The following KSR2 variants were observed in gnomAD, a reference collection of about 807,000 sequenced individuals.
The protein encoded by KSR2 is kinase suppressor of ras 2.
KSR2 carries 25 observed loss-of-function variants against 107.8 expected under a neutral mutation model. The ratio of observed to expected loss-of-function variants is 0.23; its 90% CI spans 0.17 to 0.32. The LOEUF is 0.32. KSR2 is among the 10% of genes least tolerant of loss of function. The pLI is 1.00. For missense variants in KSR2, 887 were observed against 1,268.9 expected (o/e 0.70, Z 4.57); for synonymous variants, 480 against 507.0 (o/e 0.95, Z 0.71).
intron 3 of KSR2, among the ~76,000 whole-genome samples, chr12:117,834,217 C>T (rs1043238114): frequency 2.0e-5 from 3 of 151,748 alleles, no homozygotes; most frequent in Non-Finnish European, 2.9e-5. Context: ...GACCATGATC[C>T]GAAGTTAAAA....
chr12:117,531,531 C>T (rs774461585), intron 11 of KSR2, 135 bp downstream of exon 11: 58 of 722,850 alleles, frequency 8.0e-5, no homozygotes, highest in Non-Finnish European at 1.2e-4. Flanking sequence ...AGCCATTATC[C>T]TGGAGTGTGG....
chr12:117,792,185 AT>A (rs1890275350), intron 3 of KSR2, among the ~76,000 whole-genome samples: 1 of 152,050 alleles, frequency 6.6e-6, no homozygotes. Flanking sequence ...AAAAAAAAAA[AT>A]AAATAAAAAT....
intron 4 of KSR2, among the ~76,000 whole-genome samples, chr12:117,699,161 T>C (rs1023079532): frequency 1.3e-5 from 2 of 152,242 alleles, no homozygotes; most frequent in Non-Finnish European, 2.9e-5. Flanking sequence ...GACAGGGCCT[T>C]TGGATGATCT....
intron 3 of KSR2, among the ~76,000 whole-genome samples, chr12:117,763,681 T>A (rs1337856640): frequency 6.6e-6 from 1 of 152,180 alleles, no homozygotes; most frequent in East Asian, 1.9e-4. Context: ...GCAGATTGGC[T>A]TTTATACCAA....
chr12:117,713,156 A>G (rs1886854869), intron 4 of KSR2, among the ~76,000 whole-genome samples: 2 of 151,036 alleles, frequency 1.3e-5, no homozygotes, highest in South Asian at 4.2e-4. Flanking sequence ...AAGATAGAAG[A>G]TAGATATAGA....
chr12:117,534,526 C>T (rs1007430224), intron 10 of KSR2, among the ~76,000 whole-genome samples: 2 of 152,094 alleles, frequency 1.3e-5, no homozygotes, highest in African/African-American at 4.8e-5. Flanking sequence ...ATCTATAATC[C>T]TATTTTCATG....
intron 5 of KSR2, among the ~76,000 whole-genome samples, chr12:117,632,218 CTTTTTTTTTTT>C (rs544594793): frequency 1.2e-5 from 1 of 84,028 alleles, no homozygotes; most frequent in African/African-American, 4.8e-5. Context: ...AGTCCTACTC[CTTTTTTTTTTT>C]TTTTTTTTTT....
At chr12:117,590,449 TA>T (rs1307409518) in intron 5 of KSR2, among the ~76,000 whole-genome samples, 1 of 152,084 alleles carries the variant, frequency 6.6e-6, no homozygotes, top group Non-Finnish European at 1.5e-5. Flanking sequence ...GTTTCTCCTA[TA>T]AAAAAAGTGG....
chr12:117,936,972 G>A (rs1417558865), intron 1 of KSR2, among the ~76,000 whole-genome samples: 11 of 152,182 alleles, frequency 7.2e-5, no homozygotes, highest in African/African-American at 1.4e-4. Flanking sequence ...GCCCAGGGAC[G>A]CCTCCTCCAT....
At chr12:117,750,502 T>C (rs1593198301) in intron 4 of KSR2, among the ~76,000 whole-genome samples, 1 of 152,216 alleles carries the variant, frequency 6.6e-6, no homozygotes, top group Admixed American at 6.5e-5. Flanking sequence ...CAATTTTTTA[T>C]AATTTCAACT....
intron 9 of KSR2, among the ~76,000 whole-genome samples, chr12:117,543,667 C>A (rs1241373836): frequency 6.6e-6 from 1 of 152,126 alleles, no homozygotes; most frequent in Non-Finnish European, 1.5e-5. Context: ...ATCTTCCAAT[C>A]CATGAACATG....
At chr12:117,703,366 A>G (rs932235781) in intron 4 of KSR2, among the ~76,000 whole-genome samples, 1 of 151,948 alleles carries the variant, frequency 6.6e-6, no homozygotes, top group Non-Finnish European at 1.5e-5. Flanking sequence ...TTAAGTTGAT[A>G]CTCTCAGAGA....
intron 3 of KSR2, among the ~76,000 whole-genome samples, chr12:117,814,870 G>A (rs1446422): frequency 0.099 from 15,086 of 152,052 alleles, 1,076 homozygotes; most frequent in East Asian, 0.27. Context: ...ATCTATAGGA[G>A]GAAAAATATT....
chr12:117,923,597 C>G (rs1343102995), intron 1 of KSR2, among the ~76,000 whole-genome samples: 2 of 151,992 alleles, frequency 1.3e-5, no homozygotes, highest in Non-Finnish European at 2.9e-5. Flanking sequence ...CCCAGGAGGT[C>G]AAGGATACAG....
chr12:117,684,544 CTA>C (rs74328380), intron 4 of KSR2, among the ~76,000 whole-genome samples: 7,653 of 152,166 alleles, frequency 0.05, 258 homozygotes, highest in East Asian at 0.12. Flanking sequence ...CACCCACCCT[CTA>C]TACATATTTC....
chr12:117,920,319 C>T (rs368278105), intron 1 of KSR2, among the ~76,000 whole-genome samples: 1 of 151,426 alleles, frequency 6.6e-6, no homozygotes. Context: ...AGGCTGGTCT[C>T]GAACTCCTGG....
chr12:117,831,543 C>T (rs11068691), intron 3 of KSR2, among the ~76,000 whole-genome samples: 9,187 of 152,208 alleles, frequency 0.06, 812 homozygotes, highest in African/African-American at 0.19. Flanking sequence ...AAAATCCTTG[C>T]AAGACTGCTG....
At chr12:117,633,177 T>A (rs76631660) in intron 5 of KSR2, among the ~76,000 whole-genome samples, 5,895 of 152,332 alleles carry the variant, frequency 0.039, 260 homozygotes, top group East Asian at 0.24. Flanking sequence ...TTACTTAAGT[T>A]ACGATGTTCA....
chr12:117,697,443 C>T (rs879587817), intron 4 of KSR2, among the ~76,000 whole-genome samples: 25 of 152,138 alleles, frequency 1.6e-4, no homozygotes, highest in Non-Finnish European at 2.2e-4. Context: ...ATATGTTACA[C>T]TTCAATAAAA....
Sources: gnomAD v4.1 joint callset for allele counts (sites outside exome capture counted in the v4.1 genomes callset) on GRCh38, gnomAD v4.1.1 for gene constraint, MANE v1.5 for transcripts, NCBI Gene and HGNC (gene_info 2026-07-23, HGNC 2026-07-21) for gene names.